Variants in ITPK1 observed in about 807,000 individuals in gnomAD.
ITPK1 encodes inositol 1,3,4-trisphosphate 5/6-kinase.
A neutral mutation model predicts 45.3 loss-of-function variants in ITPK1; 21 were observed. The ratio of observed to expected loss-of-function variants is 0.46; its 90% CI spans 0.33 to 0.67. ITPK1 has a LOEUF of 0.67. ITPK1 is among the 30% of genes least tolerant of loss of function. The pLI, the probability that ITPK1 is intolerant of heterozygous loss-of-function variation, is 0.02. For missense variants in ITPK1, 474 were observed against 573.5 expected, an observed-to-expected ratio of 0.83 and a Z score of 1.77; for synonymous variants, 258 against 253.6, an observed-to-expected ratio of 1.02 and a Z score of -0.16.
At chr14:93,090,930 C>G (rs1305634049) in intron 2 of ITPK1, among the ~76,000 whole-genome samples, 2 of 152,166 alleles carry the variant, frequency 1.3e-5, no homozygotes, top group African/African-American at 4.8e-5. Context: ...TGTAGCCAAG[C>G]CAGAGGCCCC....
At chr14:93,007,815 G>A (rs1018962235) in intron 4 of ITPK1, among the ~76,000 whole-genome samples, 5 of 152,240 alleles carry the variant, frequency 3.3e-5, no homozygotes, top group Admixed American at 2.0e-4. Context: ...CGCCCCAGGA[G>A]CTCCTCCCTG....
At chr14:93,103,185 T>C (rs573103252) in intron 2 of ITPK1, among the ~76,000 whole-genome samples, 2 of 150,714 alleles carry the variant, frequency 1.3e-5, no homozygotes, top group South Asian at 4.2e-4. Context: ...TCCCAGCACT[T>C]TGGGAGGCTG....
chr14:93,041,864 G>A (rs192679538), intron 3 of ITPK1, among the ~76,000 whole-genome samples: 18 of 152,298 alleles, frequency 1.2e-4, no homozygotes, highest in African/African-American at 4.3e-4. Flanking sequence ...AAACTCAGAG[G>A]GGGTTCAGAT....
At chr14:93,096,182 C>T (rs1252066156) in intron 2 of ITPK1, among the ~76,000 whole-genome samples, 1 of 152,192 alleles carries the variant, frequency 6.6e-6, no homozygotes, top group African/African-American at 2.4e-5. Context: ...TCTGCACTTG[C>T]TAAACCCGCT....
intron 5 of ITPK1, among the ~76,000 whole-genome samples, chr14:92,984,795 GAC>G (rs1237117689): frequency 6.6e-6 from 1 of 152,150 alleles, no homozygotes; most frequent in African/African-American, 2.4e-5. Flanking sequence ...GGGTGGTTGG[GAC>G]ACAGTTCTTA....
At chr14:92,985,890 A>C (rs1225919976) in intron 5 of ITPK1, among the ~76,000 whole-genome samples, 10 of 151,914 alleles carry the variant, frequency 6.6e-5, no homozygotes, top group Non-Finnish European at 1.5e-4. Flanking sequence ...CACCAACATT[A>C]CCTCCCTCCC....
At position 92,983,341 on chromosome 14, in the gene ITPK1, T is replaced by A. The variant is rs928030042; in HGVS notation, c.364+10539A>T. Among the ~76,000 whole-genome samples the A allele has an allele frequency of 6.6e-5, 10 of 152,232 alleles. No individual in the cohort carries two copies. The South Asian group carries it at 8.3e-4, about 13-fold the overall frequency. The stretch of plus-strand genomic sequence containing the variant: ...GCCTTTTTTACTTTCAAGACATTTT[T>A]AAAATGTTTGGAGGGCTCTTTCTGG... On this transcript the variant is annotated intron_variant, in intron 5 of 10. Coordinates refer to ENST00000267615, the MANE Select transcript of ITPK1 (RefSeq NM_014216.6).
intron 3 of ITPK1, among the ~76,000 whole-genome samples, chr14:93,046,663 C>G (rs1476799557): frequency 6.6e-6 from 1 of 152,096 alleles, no homozygotes; most frequent in Non-Finnish European, 1.5e-5. Flanking sequence ...CTGGAAAGCA[C>G]AGGGCAGAAA....
intron 3 of ITPK1, among the ~76,000 whole-genome samples, chr14:93,033,620 A>C (rs1039829346): frequency 6.6e-6 from 1 of 152,162 alleles, no homozygotes; most frequent in African/African-American, 2.4e-5. Flanking sequence ...AAAACCAAAC[A>C]GCACTTCATG....
At chr14:93,013,711 A>G (rs1272219916) in intron 4 of ITPK1, among the ~76,000 whole-genome samples, 1 of 152,162 alleles carries the variant, frequency 6.6e-6, no homozygotes, top group African/African-American at 2.4e-5. Context: ...GCCTCTGCCT[A>G]TAGCATCCCT....
Position 93,004,580 on chromosome 14 carries a change from ATG to A in ITPK1, c.247-10585_247-10584del, listed in dbSNP as rs113324479. ...TGTGTGTGTATGAGTGTGAGAGCAT[ATG>A]TGTGTGTGTGTGAGAATGAGTGTGA... On this transcript the variant is annotated intron_variant, in intron 4 of 10. Coordinates refer to ENST00000267615, the MANE Select transcript of ITPK1 (RefSeq NM_014216.6). Among the ~76,000 whole-genome samples, 515 of 151,282 alleles carry A rather than the reference ATG, an allele frequency of 3.4e-3. 3 individuals carry two copies. Among genetic ancestry groups the A allele is most frequent in the African/African-American group, 0.011 (470 of 41,204 alleles).
rs925796327 is a variant in ITPK1 at position 92,938,901 on chromosome 14, G to A, written c.*2660C>T. On this transcript the variant is annotated 3_prime_UTR_variant, in exon 11 of 11. Transcript: ENST00000267615. ...AGGGTGCTCAATGCAGACTGTGCAG[G>A]TGACCCTCTGAAACTACCCAAGGAC... 6.7e-6 allele frequency: 2 copies of A among 299,870 alleles called. No individual in the cohort carries two copies. Among genetic ancestry groups the A allele is most frequent in the Non-Finnish European group, 1.3e-5 (2 of 159,430 alleles). 18.6% of individuals were successfully genotyped at this position (299,870 alleles called of 1,614,324 possible).
At chr14:92,998,595 G>A (rs894504948) in intron 4 of ITPK1, among the ~76,000 whole-genome samples, 2 of 152,204 alleles carry the variant, frequency 1.3e-5, no homozygotes, top group African/African-American at 4.8e-5. Flanking sequence ...AGCTGCTGAC[G>A]CATGAGGCTG....
Position 92,958,119 on chromosome 14 carries a change from G to A in ITPK1, c.670+82C>T, listed in dbSNP as rs2139731658. 7.2e-6 allele frequency: 10 copies of A among 1,395,742 alleles called. No homozygotes were observed. Among genetic ancestry groups the A allele is most frequent in the Non-Finnish European group, 1.0e-5 (10 of 986,498 alleles). The allele number at this position is 1,395,742 out of a possible 1,614,324, so 86.5% of individuals were successfully genotyped here. A position where few individuals can be genotyped will look rare whatever the true frequency, so the allele number is the denominator to read the frequency against. On this transcript the variant is annotated intron_variant, in intron 8 of 10. Coordinates refer to ENST00000267615, the MANE Select transcript of ITPK1 (RefSeq NM_014216.6). This position sits in a 1 kb window ranked among gnomAD's most constrained non-coding sequence, Gnocchi z 4.4. Reference sequence around the variant, plus strand: ...AAGAACACAGGGTGGTTGGGGCAGTGCCGAAGGACAGACAGCTGCTGCCAC... The same window carrying A: ...AAGAACACAGGGTGGTTGGGGCAGTACCGAAGGACAGACAGCTGCTGCCAC...
intron 4 of ITPK1, among the ~76,000 whole-genome samples, chr14:92,994,800 T>C (rs1213836722): frequency 6.6e-6 from 1 of 152,204 alleles, no homozygotes; most frequent in Non-Finnish European, 1.5e-5. Context: ...AACCAGCTGC[T>C]GCGGGTTGAA....
rs1450645177 is a variant in ITPK1, at chr14:92,939,242, G to A, written c.*2319C>T. The A allele has an allele frequency of 6.6e-6, 1 of 152,372 alleles. No individual in the cohort carries two copies. The highest frequency in any genetic ancestry group is 1.9e-4 in the East Asian group (1 of 5,196). The allele number at this position is 152,372 out of a possible 1,614,324, so 9.4% of individuals were successfully genotyped here. A position where few individuals can be genotyped will look rare whatever the true frequency, so the allele number is the denominator to read the frequency against. ...CCGCCAGAGCCCGGGTGGTTTTAGT[G>A]GGTCTTTCCCTGAGGCAGAAACTCC... is the stretch of plus-strand genomic sequence containing the variant. On this transcript the variant is annotated 3_prime_UTR_variant, in exon 11 of 11. Transcript: ENST00000267615.
intron 3 of ITPK1, among the ~76,000 whole-genome samples, chr14:93,047,043 G>A (rs1485713393): frequency 6.6e-6 from 1 of 152,212 alleles, no homozygotes; most frequent in Admixed American, 6.5e-5. Context: ...AGGAAAGAGG[G>A]GACCGAACTG....
chr14:93,065,568 A>T (rs1042874096), intron 3 of ITPK1, among the ~76,000 whole-genome samples: 3 of 152,220 alleles, frequency 2.0e-5, no homozygotes, highest in South Asian at 4.1e-4. Flanking sequence ...TAACCTGTCC[A>T]GTTCTAAGTC....
At position 93,114,239 on chromosome 14, in the gene ITPK1, C is replaced by T. The variant is rs570505787; in HGVS notation, c.95+830G>A. Among the ~76,000 whole-genome samples the T allele has an allele frequency of 2.6e-5, 4 of 152,348 alleles. No homozygotes were observed. The East Asian group carries it at 7.7e-4, about 29-fold the overall frequency. ...GTGGAGCAAGGGAAGGCCTACCTGA[C>T]CCAAGACTCAGTAGTTCTGTAATTT... On this transcript the variant is annotated intron_variant, in intron 2 of 10. Transcript: ENST00000267615.
Sources: allele counts gnomAD v4.1 joint callset (sites outside exome capture counted in the v4.1 genomes callset), GRCh38; gene constraint gnomAD v4.1.1; non-coding constraint Gnocchi (gnomAD v3.1); transcripts MANE v1.5; gene names NCBI Gene and HGNC (gene_info 2026-07-23, HGNC 2026-07-21).